Variants in C5orf22 observed in about 807,000 individuals in gnomAD.
C5orf22 encodes the protein chromosome 5 open reading frame 22, also known as UPF0489 protein C5orf22.
In C5orf22, 36 loss-of-function variants were observed where a neutral mutation model predicts 48.7. The observed-to-expected ratio is 0.74, with a 90% confidence interval of 0.57 to 0.98. C5orf22 has a LOEUF of 0.98. Ranked by LOEUF, C5orf22 falls within the 50% of genes least tolerant of loss-of-function variation. C5orf22 has a pLI of 0.00. For missense variants in C5orf22, 486 were observed against 521.9 expected (o/e 0.93, Z 0.67); for synonymous variants, 141 against 180.8 (o/e 0.78, Z 1.76).
Position 31,538,342 on chromosome 5 carries a change from T to C in C5orf22, c.460T>C (p.Leu154=). 1 of 1,614,024 alleles carries C rather than the reference T, an allele frequency of 6.2e-7. No homozygotes were observed. Among genetic ancestry groups the C allele is most frequent in the Non-Finnish European group, 8.5e-7 (1 of 1,179,896 alleles). ...GCTAGAGAACCAAAAACCTTTACAA[T>C]TGGATGTAATTATGGTAAAACCTTA... ...DQLENQKPLQ[L]DVIMVKPYKL... Residue 154 remains leucine (L), a synonymous_variant, in exon 4 of 9, where the codon TTG becomes CTG. Transcript: ENST00000325366.
intron 7 of C5orf22, among the ~76,000 whole-genome samples, chr5:31,548,250 G>A (rs960112529): frequency 3.3e-5 from 5 of 151,706 alleles, no homozygotes; most frequent in East Asian, 1.9e-4. Context: ...GCAGTGAGCC[G>A]AGATGGTACC....
At chr5:31,542,780 T>G (rs1212883149) in intron 6 of C5orf22, among the ~76,000 whole-genome samples, 2 of 152,204 alleles carry the variant, frequency 1.3e-5, no homozygotes, top group Non-Finnish European at 2.9e-5. Context: ...AGACAAACTT[T>G]TTGTCCCCAT....
chr5:31,548,945 C>A (rs1252360120), intron 7 of C5orf22, among the ~76,000 whole-genome samples: 6 of 152,156 alleles, frequency 3.9e-5, no homozygotes. Context: ...TCCAGCCGGG[C>A]ATAGTGGCTC....
At chr5:31,551,567 T>C (rs1743268546) in intron 8 of C5orf22, 135 bp downstream of exon 8, 1 of 695,400 alleles carries the variant, frequency 1.4e-6, no homozygotes, top group Admixed American at 3.1e-5. Context: ...GATGAGATTA[T>C]CCTGGATTTA....
rs775096385 is a variant in C5orf22, at chr5:31,532,523, C to T, written c.81+50C>T. ...GGGGCAGAATCAGCGGAAGCCCTGA[C>T]GCTCAGAGGGCCAAGCAGAGGGCGC... On this transcript the variant is annotated intron_variant, in intron 1 of 8. Coordinates refer to ENST00000325366, the MANE Select transcript of C5orf22 (RefSeq NM_018356.3). The T allele has an allele frequency of 5.9e-6, 9 of 1,516,604 alleles. No individual in the cohort carries two copies. The South Asian group carries it at 9.3e-5, about 16-fold the overall frequency. 93.9% of individuals were successfully genotyped at this position (1,516,604 alleles called of 1,614,324 possible).
At chr5:31,542,505 A>G (rs1742537303) in intron 6 of C5orf22, among the ~76,000 whole-genome samples, 1 of 149,400 alleles carries the variant, frequency 6.7e-6, no homozygotes, top group Non-Finnish European at 1.5e-5. Flanking sequence ...TTTTAAGGAA[A>G]ACCCAAACAC....
intron 4 of C5orf22, among the ~76,000 whole-genome samples, chr5:31,540,239 A>G (rs1742369184): frequency 6.6e-6 from 1 of 152,194 alleles, no homozygotes; most frequent in Non-Finnish European, 1.5e-5. Context: ...GATATGCCAC[A>G]ACATTGTGCT....
rs1269820730 is a variant in C5orf22 at position 31,554,143 on chromosome 5, C to T, written c.*1241C>T. 1 of 152,168 alleles carries T rather than the reference C, an allele frequency of 6.6e-6. No homozygotes were observed. The highest frequency in any genetic ancestry group is 2.4e-5 in the African/African-American group (1 of 41,442). 9.4% of individuals were successfully genotyped at this position (152,168 alleles called of 1,614,324 possible). A position where few individuals can be genotyped will look rare whatever the true frequency, so the allele number is the denominator to read the frequency against. On this transcript the variant is annotated 3_prime_UTR_variant, in exon 9 of 9. Transcript: ENST00000325366. ...TCTTTAGTTCAGTAATTTTTACCTA[C>T]CTACTTGATTTATTTTCCTTTAAAA...
intron 7 of C5orf22, among the ~76,000 whole-genome samples, chr5:31,549,213 C>T (rs1349145976): frequency 6.6e-6 from 1 of 152,018 alleles, no homozygotes; most frequent in Non-Finnish European, 1.5e-5. Context: ...GAGTGAAACT[C>T]TGTCTCAAAA....
At chr5:31,547,217 C>T (rs1197106123) in intron 7 of C5orf22, among the ~76,000 whole-genome samples, 1 of 152,260 alleles carries the variant, frequency 6.6e-6, no homozygotes, top group African/African-American at 2.4e-5. Context: ...ACATCCAGGT[C>T]ACGCTGATGC....
intron 7 of C5orf22, among the ~76,000 whole-genome samples, chr5:31,550,618 T>A (rs1743192398): frequency 6.6e-6 from 1 of 151,978 alleles, no homozygotes; most frequent in African/African-American, 2.4e-5. Flanking sequence ...CAGGCTGGAG[T>A]GCAATGGCAC....
At chr5:31,550,842 A>C (rs2150081506) in intron 7 of C5orf22, among the ~76,000 whole-genome samples, 1 of 152,344 alleles carries the variant, frequency 6.6e-6, no homozygotes, top group South Asian at 2.1e-4. Flanking sequence ...GATTACAGGC[A>C]TGAGCTACCA....
Position 31,555,014 on chromosome 5 carries a change from A to C in C5orf22, c.*2112A>C, listed in dbSNP as rs1190319358. 1 of 152,206 alleles carries C rather than the reference A, an allele frequency of 6.6e-6. No homozygotes were observed. Among genetic ancestry groups the C allele is most frequent in the Admixed American group, 6.5e-5 (1 of 15,268 alleles). 9.4% of individuals were successfully genotyped at this position (152,206 alleles called of 1,614,324 possible). ...GTACAGTGTTTTGAATTGTGTACTA[A>C]TATCATTAAAGCATGGGATTTTAGT... On this transcript the variant is annotated 3_prime_UTR_variant, in exon 9 of 9. Coordinates refer to ENST00000325366, the MANE Select transcript of C5orf22 (RefSeq NM_018356.3).
chr5:31,533,729 T>G (rs1302044363), intron 1 of C5orf22, among the ~76,000 whole-genome samples: 1 of 152,042 alleles, frequency 6.6e-6, no homozygotes, highest in Non-Finnish European at 1.5e-5. Flanking sequence ...AAATCCCATC[T>G]CTACAAAAAT....
intron 7 of C5orf22, among the ~76,000 whole-genome samples, chr5:31,549,871 A>C (rs1364200193): frequency 6.6e-6 from 1 of 152,224 alleles, no homozygotes; most frequent in African/African-American, 2.4e-5. Context: ...CTTTGTGTCA[A>C]ATTTAAAAAG....
At chr5:31,536,347 C>T (rs1173876866) in intron 3 of C5orf22, among the ~76,000 whole-genome samples, 5 of 152,042 alleles carry the variant, frequency 3.3e-5, no homozygotes, top group Non-Finnish European at 7.4e-5. Flanking sequence ...GGTGAAACAC[C>T]GTCTCTACTA....
At chr5:31,548,673 C>T (rs1189723150) in intron 7 of C5orf22, 1 of 379,590 alleles carries the variant, frequency 2.6e-6, no homozygotes, top group Admixed American at 3.0e-5. Flanking sequence ...TCCAAAGTTG[C>T]TTCCACATTT....
Position 31,538,497 on chromosome 5 carries a change from C to G in C5orf22, c.615C>G (p.Asp205Glu). ...CTTCTTCAGAAGGACTGGAAAAGGA[C>G]ACAGCAACACAGAGAAGTGACCAGA... ...CDSSSEGLEK[D>E]TATQRSDQTC... is the part of the protein sequence containing the mutation. The change falls in exon 4 of 9, where the codon GAC (aspartate) becomes GAG (glutamate). Residue 205 changes from aspartate (D) to glutamate (E), a missense_variant. Asp to Glu is a conservative substitution (Grantham distance 45). Coordinates refer to ENST00000325366, the MANE Select transcript of C5orf22 (RefSeq NM_018356.3). 6.2e-7 allele frequency: 1 copy of G among 1,614,138 alleles called. No individual in the cohort carries two copies. Among genetic ancestry groups the G allele is most frequent in the Non-Finnish European group, 8.5e-7 (1 of 1,180,008 alleles).
intron 4 of C5orf22, 102 bp from the exon 5 acceptor site, chr5:31,540,847 G>GATT: frequency 1.3e-6 from 1 of 797,560 alleles, no homozygotes; most frequent in Non-Finnish European, 2.2e-6. Context: ...TATCTAAGAT[G>GATT]TTCTTGTATC....
Sources: allele counts gnomAD v4.1 joint callset (sites outside exome capture counted in the v4.1 genomes callset), GRCh38; gene constraint gnomAD v4.1.1; transcripts MANE v1.5; gene names NCBI Gene and HGNC (gene_info 2026-07-23, HGNC 2026-07-21).